CNTNAP3: variants seen among roughly 807,000 people sequenced by gnomAD.
CNTNAP3 encodes contactin associated protein family member 3.
Under a neutral mutation model 92.1 loss-of-function variants are expected in CNTNAP3, and 36 were observed. The ratio of observed to expected loss-of-function variants is 0.39; its 90% CI spans 0.30 to 0.52. CNTNAP3 has a LOEUF of 0.52. Among genes scored for constraint, CNTNAP3 ranks in the 20% least tolerant of loss-of-function variants. The probability of loss-of-function intolerance (pLI) is 0.76; values close to 1 mark genes in which losing one functional copy is unlikely to be tolerated. For missense variants in CNTNAP3, 534 were observed against 1,069.6 expected (o/e 0.50, Z 6.98); for synonymous variants, 232 against 422.3 (o/e 0.55, Z 5.53).
rs751147624 is a variant in CNTNAP3, at chr9:39,140,561, T to G, written c.1834A>C (p.Ser612Arg). ...SGLYYIDADG[S>R]GPLGPFLVYC... Reference sequence around the variant, plus strand: ...ACAAGAAATGGTCCCAGGGGGCCACTTCCATCTGCATCAATATAGTAAAGC... The same window carrying G: ...ACAAGAAATGGTCCCAGGGGGCCACGTCCATCTGCATCAATATAGTAAAGC... Residue 612 changes from serine to arginine, a missense_variant, in exon 12 of 24, where the codon AGT (serine) becomes CGT (arginine). Ser to Arg is a moderately radical substitution (Grantham distance 110). Transcript: ENST00000297668. 1 of 1,613,840 alleles carries G rather than the reference T, an allele frequency of 6.2e-7. No individual in the cohort carries two copies. Among genetic ancestry groups the G allele is most frequent in the South Asian group, 1.1e-5 (1 of 91,070 alleles).
chr9:39,220,977 G>GTGAGATAAGGGTCTAATTT lies in CNTNAP3; in HGVS notation c.390+17997_390+18015dup, dbSNP rs1488087540. On this transcript the variant is annotated intron_variant, in intron 3 of 23. Transcript: ENST00000297668. The stretch of plus-strand genomic sequence containing the variant: ...TTTTGTGTTGATTTTTGCATATAGT[G>GTGAGATAAGGGTCTAATTT]TGAGATAAGGGTCTAATTTCATTCT... 1.2e-4 allele frequency among the ~76,000 whole-genome samples: 3 copies of GTGAGATAAGGGTCTAATTT among 25,050 alleles called. 1 individual carries two copies. The highest frequency in any genetic ancestry group is 2.0e-4 in the African/African-American group (3 of 14,744). 16.4% of individuals were successfully genotyped at this position (25,050 alleles called of 152,430 possible). A position where few individuals can be genotyped will look rare whatever the true frequency, so the allele number is the denominator to read the frequency against.
At chr9:39,116,902 A>G (rs1329938971) in intron 14 of CNTNAP3, among the ~76,000 whole-genome samples, 1 of 152,138 alleles carries the variant, frequency 6.6e-6, no homozygotes, top group East Asian at 1.9e-4. Context: ...CATTTTTAGG[A>G]ATCAAATTAC....
intron 13 of CNTNAP3, among the ~76,000 whole-genome samples, chr9:39,121,410 A>C (rs1821015441): frequency 6.6e-6 from 1 of 152,184 alleles, no homozygotes; most frequent in Non-Finnish European, 1.5e-5. Flanking sequence ...TCTGGTTTCC[A>C]ATCTGATATG....
At chr9:39,142,140 A>G (rs1444490516) in intron 11 of CNTNAP3, among the ~76,000 whole-genome samples, 1 of 152,170 alleles carries the variant, frequency 6.6e-6, no homozygotes, top group Non-Finnish European at 1.5e-5. Flanking sequence ...GTGAATAACC[A>G]TGGACTAATA....
rs114627964 is a variant in CNTNAP3 at position 39,184,041 on chromosome 9, G to A, written c.539-5681C>T. 1.6e-4 allele frequency among the ~76,000 whole-genome samples: 23 copies of A among 146,354 alleles called. 1 individual carries two copies. The highest frequency in any genetic ancestry group is 5.1e-4 in the African/African-American group (19 of 37,200). On this transcript the variant is annotated intron_variant, in intron 4 of 23. Coordinates refer to ENST00000297668, the MANE Select transcript of CNTNAP3 (RefSeq NM_033655.5). The stretch of plus-strand genomic sequence containing the variant: ...CGTGTATGTGTTCTTTTGTGTCTGC[G>A]TTCCTTCTTAAGTGTAACGTTTTTG...
rs141989335 is a variant in CNTNAP3, at chr9:39,083,420, G to C, written c.3442+2316C>G. Among the ~76,000 whole-genome samples, 785 of 152,178 alleles carry C rather than the reference G, an allele frequency of 5.2e-3. 2 individuals carry two copies. The highest frequency in any genetic ancestry group is 0.017 in the African/African-American group (717 of 41,524). On this transcript the variant is annotated intron_variant, in intron 21 of 23. Transcript: ENST00000297668. ...TCACACCTGTAATCCCAGCACTTTG[G>C]GAGACTGAGGCGGGTGGATCACAAG...
chr9:39,087,105 C>T (rs1187369443), intron 19 of CNTNAP3, among the ~76,000 whole-genome samples: 1 of 148,904 alleles, frequency 6.7e-6, no homozygotes, highest in East Asian at 2.0e-4. Context: ...TCTCCCCAAA[C>T]CTTTTCATTT....
At chr9:39,132,528 G>C (rs540324168) in intron 13 of CNTNAP3, among the ~76,000 whole-genome samples, 1 of 152,128 alleles carries the variant, frequency 6.6e-6, no homozygotes, top group African/African-American at 2.4e-5. Context: ...GGAAACAAAC[G>C]TTCCAGGTAG....
chr9:39,131,757 G>A (rs1239617904), intron 13 of CNTNAP3, among the ~76,000 whole-genome samples: 1 of 151,996 alleles, frequency 6.6e-6, no homozygotes, highest in Non-Finnish European at 1.5e-5. Context: ...ATCCGGGAGG[G>A]GAGGGGGTTG....
chr9:39,134,854 G>C (rs192345112), intron 12 of CNTNAP3, among the ~76,000 whole-genome samples: 2,567 of 152,300 alleles, frequency 0.017, 60 homozygotes, highest in African/African-American at 0.058. Context: ...CATTGAAGAT[G>C]ATCAACCACA....
Position 39,183,956 on chromosome 9 carries a change from G to A in CNTNAP3, c.539-5596C>T, listed in dbSNP as rs573333405. Among the ~76,000 whole-genome samples the A allele has an allele frequency of 1.2e-3, 172 of 149,096 alleles. 2 individuals carry two copies. Among genetic ancestry groups the A allele is most frequent in the African/African-American group, 4.0e-3 (163 of 40,372 alleles). On this transcript the variant is annotated intron_variant, in intron 4 of 23. Transcript: ENST00000297668. ...CCAGACCCAGACCCAGGAAACCAAT[G>A]ATCTACATTCCGTAACTACAGATTA...
intron 12 of CNTNAP3, among the ~76,000 whole-genome samples, chr9:39,139,270 G>T (rs1821514667): frequency 6.6e-6 from 1 of 151,988 alleles, no homozygotes; most frequent in Non-Finnish European, 1.5e-5. Context: ...GTCCTTCCTG[G>T]TTGTGACTTT....
At position 39,133,144 on chromosome 9, in the gene CNTNAP3, A is replaced by C. The variant is rs1821344180; in HGVS notation, c.1877-9T>G. The stretch of plus-strand genomic sequence containing the variant: ...CGTCCACGCGGCGTCTGCTGAGCAG[A>C]AACGGGCAAAGGAGAGGCATCACTG... On this transcript the variant is annotated splice_polypyrimidine_tract_variant and intron_variant, in intron 12 of 23. Coordinates refer to ENST00000297668, the MANE Select transcript of CNTNAP3 (RefSeq NM_033655.5). The C allele has an allele frequency of 1.3e-6, 2 of 1,570,072 alleles. No homozygotes were observed. The highest frequency in any genetic ancestry group is 8.6e-7 in the Non-Finnish European group (1 of 1,163,210).
chr9:39,154,800 T>C (rs371208452), intron 9 of CNTNAP3: 2 of 176,322 alleles, frequency 1.1e-5, no homozygotes, highest in Non-Finnish European at 2.3e-5. Context: ...CACAACATCA[T>C]GCAGAAGCGC....
At position 39,264,249 on chromosome 9, in the gene CNTNAP3, A is replaced by T. The variant is rs1475563589; in HGVS notation, c.196+2647T>A. 3.7e-4 allele frequency among the ~76,000 whole-genome samples: 2 copies of T among 5,364 alleles called. 1 individual carries two copies. The highest frequency in any genetic ancestry group is 5.5e-4 in the African/African-American group (2 of 3,650). The allele number at this position is 5,364 out of a possible 152,430, so 3.5% of individuals were successfully genotyped here. ...TAAATAAATAAATAAATAAATAAAT[A>T]AATTTACAACAGGTCACTTTATCCT... On this transcript the variant is annotated intron_variant, in intron 2 of 23. Coordinates refer to ENST00000297668, the MANE Select transcript of CNTNAP3 (RefSeq NM_033655.5).
intron 12 of CNTNAP3, among the ~76,000 whole-genome samples, chr9:39,136,855 G>C (rs934419467): frequency 6.6e-6 from 1 of 152,106 alleles, no homozygotes; most frequent in Admixed American, 6.5e-5. Context: ...AGCCAAGATC[G>C]TACCATTGCA....
Position 39,121,018 on chromosome 9 carries a change from TGTGG to T in CNTNAP3, c.2081-2763_2081-2760del, listed in dbSNP as rs1821007294. Among the ~76,000 whole-genome samples, 3 of 152,108 alleles carry T rather than the reference TGTGG, an allele frequency of 2.0e-5. No homozygotes were observed. In the South Asian group the frequency reaches 6.2e-4, roughly 32 times the overall value. On this transcript the variant is annotated intron_variant, in intron 13 of 23. Coordinates refer to ENST00000297668, the MANE Select transcript of CNTNAP3 (RefSeq NM_033655.5). ...TGAGAGTGAAGATATTTAAGTTGACTGTGGTAAGTCACATATGTAAACTATAATA... is the reference window on the plus strand; with the variant it reads ...TGAGAGTGAAGATATTTAAGTTGACTTAAGTCACATATGTAAACTATAATA...
intron 11 of CNTNAP3, among the ~76,000 whole-genome samples, chr9:39,143,116 A>G (rs2118104017): frequency 6.6e-6 from 1 of 152,056 alleles, no homozygotes; most frequent in Non-Finnish European, 1.5e-5. Flanking sequence ...AGATTCTGTG[A>G]TGTTCTAATT....
Position 39,067,934 on chromosome 9 carries a change from A to G in CNTNAP3, c.*5956T>C, listed in dbSNP as rs2118327499. Among the ~76,000 whole-genome samples, 1 of 152,306 alleles carries G rather than the reference A, an allele frequency of 6.6e-6. No individual in the cohort carries two copies. Among genetic ancestry groups the G allele is most frequent in the Non-Finnish European group, 1.5e-5 (1 of 68,056 alleles). ...GGTATAGCCCATGGCAACCACCTCT[A>G]TTCATGGTTGTATGTGAACATGCAC... On this transcript the variant is annotated 3_prime_UTR_variant, in exon 24 of 24. Coordinates refer to ENST00000297668, the MANE Select transcript of CNTNAP3 (RefSeq NM_033655.5).
Sources: allele counts gnomAD v4.1 joint callset (sites outside exome capture counted in the v4.1 genomes callset), GRCh38; gene constraint gnomAD v4.1.1; transcripts MANE v1.5; gene names NCBI Gene and HGNC (gene_info 2026-07-23, HGNC 2026-07-21).